HRH2: variants seen among roughly 807,000 people sequenced by gnomAD.
The protein encoded by HRH2 is histamine H2 receptor.
A neutral mutation model predicts 20.1 loss-of-function variants in HRH2; 4 were observed. That is an observed-to-expected ratio of 0.20 (90% CI 0.10 to 0.45). The LOEUF (loss-of-function observed/expected upper bound fraction) is 0.45. Ranked by LOEUF, HRH2 falls within the 20% of genes least tolerant of loss-of-function variation. HRH2 has a pLI of 0.99. For synonymous variants in HRH2, 197 were observed against 200.7 expected (o/e 0.98, Z 0.16); for missense variants, 250 against 461.6 (o/e 0.54, Z 4.20).
intron 2 of HRH2, among the ~76,000 whole-genome samples, chr5:175,701,396 A>G (rs527825517): frequency 4.5e-4 from 69 of 152,208 alleles, no homozygotes; most frequent in Non-Finnish European, 6.9e-4. Flanking sequence ...AGAGACTAAG[A>G]GTAGCTTCAA....
intron 2 of HRH2, among the ~76,000 whole-genome samples, chr5:175,688,953 C>T (rs1581444654): frequency 6.6e-6 from 1 of 152,166 alleles, no homozygotes; most frequent in Non-Finnish European, 1.5e-5. Flanking sequence ...AGTCTCCGGG[C>T]GTGGCCCTTC....
At position 175,692,915 on chromosome 5, in the gene HRH2, G is replaced by A. The variant is rs189590485; in HGVS notation, c.1076+8606G>A. ...TCGCTCAAAGTGTGGAGGCAAATTC[G>A]GTAAAGCGTGTCCGTGTCACGACTT... On this transcript the variant is annotated intron_variant, in intron 2 of 2. Transcript: ENST00000636584. Among the ~76,000 whole-genome samples, 404 of 152,296 alleles carry A rather than the reference G, an allele frequency of 2.7e-3. 12 individuals are homozygous for A. Among genetic ancestry groups the A allele is most frequent in the Admixed American group, 0.025 (389 of 15,294 alleles).
rs1762792042 is a variant in HRH2 at position 175,663,320 on chromosome 5, AG to A, written c.-526+5166del. On this transcript the variant is annotated intron_variant, in intron 1 of 2. Coordinates refer to ENST00000636584, the MANE Select transcript of HRH2 (RefSeq NM_001367711.1). ...GCACGGAGGTCCCAGTCCTTTCCAA[AG>A]CTTCTTAGGTCTTTTGGATTCTAGC... Among the ~76,000 whole-genome samples the A allele has an allele frequency of 3.9e-5, 6 of 152,216 alleles. No homozygotes were observed. In the South Asian group the frequency reaches 1.2e-3, roughly 32 times the overall value.
In HRH2 at chr5:175,693,741, G is replaced by A. The variant is rs148862836; in HGVS notation, c.1076+9432G>A. Among the ~76,000 whole-genome samples, 54 of 152,258 alleles carry A rather than the reference G, an allele frequency of 3.5e-4. No homozygotes were observed. The highest frequency in any genetic ancestry group is 1.2e-3 in the Admixed American group (19 of 15,306). On this transcript the variant is annotated intron_variant, in intron 2 of 2. Coordinates refer to ENST00000636584, the MANE Select transcript of HRH2 (RefSeq NM_001367711.1). This position sits in a 1 kb window ranked among gnomAD's most constrained non-coding sequence, Gnocchi z 4.4. ...CTGTGCTCCCTTCCCATCTTGGTCC[G>A]GGTGCAGACATGGCCTTAATGTCAT...
intron 2 of HRH2, among the ~76,000 whole-genome samples, chr5:175,701,147 T>C (rs988159363): frequency 6.6e-6 from 1 of 152,126 alleles, no homozygotes; most frequent in African/African-American, 2.4e-5. Flanking sequence ...ATTTCACAGA[T>C]GAGGAAACCG....
chr5:175,663,525 G>T lies in HRH2; in HGVS notation c.-526+5370G>T, dbSNP rs150677410. Among the ~76,000 whole-genome samples, 830 of 152,320 alleles carry T rather than the reference G, an allele frequency of 5.4e-3. 3 individuals are homozygous for T. The highest frequency in any genetic ancestry group is 9.6e-3 in the Non-Finnish European group (656 of 68,034). On this transcript the variant is annotated intron_variant, in intron 1 of 2. Transcript: ENST00000636584. ...AATGCGTCACTCCCTTACTTGGACT[G>T]AAATGCTAACTCCATAGAAATCTAT...
intron 1 of HRH2, among the ~76,000 whole-genome samples, chr5:175,659,976 C>G (rs546983458): frequency 6.6e-6 from 1 of 152,200 alleles, no homozygotes; most frequent in African/African-American, 2.4e-5. Context: ...ATCACCTTGT[C>G]CCGGTTAACC....
Position 175,707,034 on chromosome 5 carries a change from C to A in HRH2, c.1077-745C>A, listed in dbSNP as rs79519841. Among the ~76,000 whole-genome samples the A allele has an allele frequency of 8.3e-4, 127 of 152,300 alleles. 1 individual carries two copies. The East Asian group carries it at 0.02, about 24-fold the overall frequency. On this transcript the variant is annotated intron_variant, in intron 2 of 2. Transcript: ENST00000636584. The stretch of plus-strand genomic sequence containing the variant: ...GCTCAGGAATCATCTCACTAAGATT[C>A]GGAAATGGCACACTTTGACGGGGCT...
Position 175,672,496 on chromosome 5 carries a change from T to C in HRH2, c.-525-10213T>C, listed in dbSNP as rs549226846. ...TCTATAAGATAGAGATGAATAGTGGTACCCACATAATAGGGTTGTTGAAGA... is the reference window on the plus strand; with the variant it reads ...TCTATAAGATAGAGATGAATAGTGGCACCCACATAATAGGGTTGTTGAAGA... On this transcript the variant is annotated intron_variant, in intron 1 of 2. Transcript: ENST00000636584. Among the ~76,000 whole-genome samples, 6 of 152,348 alleles carry C rather than the reference T, an allele frequency of 3.9e-5. No individual in the cohort carries two copies. The East Asian group carries it at 1.2e-3, about 29-fold the overall frequency.
chr5:175,675,308 G>C (rs894219418), intron 1 of HRH2, among the ~76,000 whole-genome samples: 4 of 152,132 alleles, frequency 2.6e-5, no homozygotes, highest in African/African-American at 9.7e-5. Flanking sequence ...CCAGTTCCCT[G>C]GGTGATCTTA....
chr5:175,684,348 T>C lies in HRH2; in HGVS notation c.1076+39T>C, dbSNP rs372340951. 11 of 1,593,868 alleles carry C rather than the reference T, an allele frequency of 6.9e-6. No homozygotes were observed. In the East Asian group the frequency reaches 1.6e-4, roughly 23 times the overall value. ...CCATTGGTGCACAGGATGGGGGCAA[T>C]GGGAGGGGATGCTACTGATGGGAAT... On this transcript the variant is annotated intron_variant, in intron 2 of 2. Transcript: ENST00000636584.
chr5:175,658,551 T>TG (rs1360277273), intron 1 of HRH2, among the ~76,000 whole-genome samples: 1 of 152,178 alleles, frequency 6.6e-6, no homozygotes, highest in African/African-American at 2.4e-5. Context: ...TCTCCGGGTC[T>TG]GGGTGGTGGC....
intron 2 of HRH2, chr5:175,685,372 T>C (rs1756135085): frequency 6.5e-7 from 1 of 1,534,758 alleles, no homozygotes; most frequent in Non-Finnish European, 8.8e-7. Context: ...ACATAGAAGT[T>C]GCTCAATAAA....
intron 2 of HRH2, chr5:175,703,940 A>C (rs1217954150): frequency 6.6e-6 from 1 of 152,190 alleles, no homozygotes; most frequent in African/African-American, 2.4e-5. Context: ...GGAGCCATAC[A>C]GAAAAGATTA....
intron 2 of HRH2, among the ~76,000 whole-genome samples, chr5:175,690,923 C>G (rs1212268430): frequency 6.6e-6 from 1 of 152,184 alleles, no homozygotes; most frequent in Non-Finnish European, 1.5e-5. Flanking sequence ...TCCGTCTTTT[C>G]TTCCTTCGTC....
At chr5:175,674,271 G>A (rs745571033) in intron 1 of HRH2, among the ~76,000 whole-genome samples, 3 of 152,174 alleles carry the variant, frequency 2.0e-5, no homozygotes, top group African/African-American at 7.2e-5. Context: ...CTCTTTACTG[G>A]CTGTGTGGCC....
chr5:175,665,886 G>A (rs1762873116), intron 1 of HRH2, among the ~76,000 whole-genome samples: 1 of 151,834 alleles, frequency 6.6e-6, no homozygotes, highest in Non-Finnish European at 1.5e-5. Context: ...CTTTTGCAGA[G>A]ACCACAAGAT....
In HRH2 at chr5:175,710,265, T is replaced by C. The variant is rs188251819; in HGVS notation, c.*2294T>C. 9 of 152,440 alleles carry C rather than the reference T, an allele frequency of 5.9e-5. No individual in the cohort carries two copies. The highest frequency in any genetic ancestry group is 1.2e-4 in the Non-Finnish European group (8 of 68,112). 9.4% of individuals were successfully genotyped at this position (152,440 alleles called of 1,614,324 possible). A position where few individuals can be genotyped will look rare whatever the true frequency, so the allele number is the denominator to read the frequency against. On this transcript the variant is annotated 3_prime_UTR_variant, in exon 3 of 3. Coordinates refer to ENST00000636584, the MANE Select transcript of HRH2 (RefSeq NM_001367711.1). ...AGTTTGTCACATGGTAGGAGCTTAATAAATATGTGTTGGATGAATGATCAG... is the reference window on the plus strand; with the variant it reads ...AGTTTGTCACATGGTAGGAGCTTAACAAATATGTGTTGGATGAATGATCAG...
chr5:175,681,968 TA>T lies in HRH2; in HGVS notation c.-525-739del, dbSNP rs1442595013. Among the ~76,000 whole-genome samples, 1 of 152,222 alleles carries T rather than the reference TA, an allele frequency of 6.6e-6. No homozygotes were observed. Among genetic ancestry groups the T allele is most frequent in the Admixed American group, 6.5e-5 (1 of 15,288 alleles). On this transcript the variant is annotated intron_variant, in intron 1 of 2. Transcript: ENST00000636584. This position sits in a 1 kb window ranked among gnomAD's most constrained non-coding sequence, Gnocchi z 4.3. The stretch of plus-strand genomic sequence containing the variant: ...TGCCTGGCTTTGTACAGCCCGTGGC[TA>T]AGAATGGTTTTTACATTTTTAAATT...
Sources: gnomAD v4.1 joint callset for allele counts (sites outside exome capture counted in the v4.1 genomes callset) on GRCh38, gnomAD v4.1.1 for gene constraint, Gnocchi (gnomAD v3.1) non-coding constraint, MANE v1.5 for transcripts, NCBI Gene and HGNC (gene_info 2026-07-23, HGNC 2026-07-21) for gene names.